Variants in DMD observed in about 807,000 individuals in gnomAD.
DMD encodes the protein dystrophin.
Under a neutral mutation model 330.1 loss-of-function variants are expected in DMD, and 63 were observed. The observed-to-expected ratio is 0.19, with a 90% CI of 0.16 to 0.24. The LOEUF (loss-of-function observed/expected upper bound fraction) is 0.24, where lower values mean the gene tolerates loss of function less well. Among genes scored for constraint, DMD ranks in the 10% least tolerant of loss-of-function variants. The pLI is 1.00. For missense variants in DMD, 3,344 were observed against 2,684.1 expected (o/e 1.25, Z -5.43); for synonymous variants, 1,223 against 959.8 (o/e 1.27, Z -5.07).
chrX:31,677,909 G>A (rs933323366), intron 53 of DMD, among the ~76,000 whole-genome samples: 7 of 112,125 alleles, frequency 6.2e-5, no homozygotes, highest in African/African-American at 2.3e-4. Context: ...GGATGTGGTG[G>A]AAGTGATATA....
Position 31,482,242 on chromosome X carries a change from G to C in DMD, c.8548-3139C>G, listed in dbSNP as rs940790138. On this transcript the variant is annotated intron_variant, in intron 57 of 78. Transcript: ENST00000357033. ...TGGTGTGTGTGTGTGTGTGTGGGGGGGGTGTTCTGTGCATGGGGGACAGAG... is the reference window on the plus strand; with the variant it reads ...TGGTGTGTGTGTGTGTGTGTGGGGGCGGTGTTCTGTGCATGGGGGACAGAG... 3.4e-4 allele frequency among the ~76,000 whole-genome samples: 35 copies of C among 102,803 alleles called. 1 individual carries two copies. Among genetic ancestry groups the C allele is most frequent in the African/African-American group, 1.3e-3 (34 of 27,138 alleles). The allele number at this position is 102,803 out of a possible 115,157, so 89.3% of individuals were successfully genotyped here.
intron 62 of DMD, among the ~76,000 whole-genome samples, chrX:31,298,914 T>C (rs949652942): frequency 8.9e-6 from 1 of 112,269 alleles, no homozygotes; most frequent in African/African-American, 3.2e-5. Flanking sequence ...ACAAGGAACA[T>C]AAATATCTTC....
intron 1 of DMD, among the ~76,000 whole-genome samples, chrX:33,147,534 G>C (rs1031655593): frequency 8.9e-6 from 1 of 111,859 alleles, no homozygotes; most frequent in Non-Finnish European, 1.9e-5. Flanking sequence ...ATTAATTTAA[G>C]CATTTTTTGT....
Position 33,248,174 on chromosome X carries a change from T to C in DMD, c.7+91085A>G, listed in dbSNP as rs1270963165. Among the ~76,000 whole-genome samples the C allele has an allele frequency of 1.1e-4, 12 of 110,636 alleles. No individual in the cohort carries two copies. In the Admixed American group the frequency reaches 1.2e-3, roughly 11 times the overall value. On this transcript the variant is annotated intron_variant, in intron 1 of 17. Coordinates refer to the DMD transcript ENST00000288447. ...CTCCTGCCTCAGCCTCCCCAGTAGC[T>C]GCGACTACAGGCACCCGCCACCACG...
chrX:33,322,120 C>T (rs2054024510), intron 1 of DMD, among the ~76,000 whole-genome samples: 1 of 111,567 alleles, frequency 9.0e-6, no homozygotes, highest in Admixed American at 9.6e-5. Flanking sequence ...GGGGGTAACA[C>T]TTTTAATTTC....
chrX:33,257,433 A>C (rs1255151158), intron 1 of DMD, among the ~76,000 whole-genome samples: 2 of 110,901 alleles, frequency 1.8e-5, no homozygotes, highest in African/African-American at 6.5e-5. Flanking sequence ...TTTGTTAATA[A>C]GGAGAGTAAA....
chrX:31,868,562 G>A (rs1265461448), intron 48 of DMD, among the ~76,000 whole-genome samples: 1 of 111,921 alleles, frequency 8.9e-6, no homozygotes, highest in Non-Finnish European at 1.9e-5. Context: ...CATAGAGTCA[G>A]ATGTGACCAG....
chrX:31,771,558 A>T (rs2149232884), intron 51 of DMD, among the ~76,000 whole-genome samples: 1 of 108,892 alleles, frequency 9.2e-6, no homozygotes, highest in Admixed American at 9.8e-5. Flanking sequence ...TCTGGAGTGC[A>T]ATGGTGTGAT....
intron 49 of DMD, among the ~76,000 whole-genome samples, chrX:31,828,339 C>A (rs1385010804): frequency 9.0e-6 from 1 of 111,357 alleles, no homozygotes; most frequent in East Asian, 2.8e-4. Flanking sequence ...AAACACACAA[C>A]CCTCCTAGTT....
intron 7 of DMD, among the ~76,000 whole-genome samples, chrX:32,767,317 CCTTTATATTTT>C (rs1006171494): frequency 6.3e-5 from 7 of 110,845 alleles, no homozygotes; most frequent in African/African-American, 2.3e-4. Context: ...TATGCTATTT[CCTTTATATTTT>C]CTTTAGTCCA....
intron 7 of DMD, among the ~76,000 whole-genome samples, chrX:32,791,108 C>G (rs2148629905): frequency 9.0e-6 from 1 of 111,696 alleles, no homozygotes; most frequent in East Asian, 2.8e-4. Flanking sequence ...CCACTACCAC[C>G]AAAGCTGGCG....
At chrX:33,167,400 A>T (rs2049109614) in intron 1 of DMD, among the ~76,000 whole-genome samples, 1 of 111,263 alleles carries the variant, frequency 9.0e-6, no homozygotes, top group African/African-American at 3.2e-5. Context: ...CATATTCTTC[A>T]ATTCGACTAG....
chrX:31,844,169 T>G (rs892360480), intron 48 of DMD, among the ~76,000 whole-genome samples: 2 of 112,010 alleles, frequency 1.8e-5, no homozygotes, highest in Non-Finnish European at 3.8e-5. Flanking sequence ...GAGATTTTAT[T>G]TTTTTAAATC....
chrX:32,478,507 C>T (rs1220197251), intron 21 of DMD, among the ~76,000 whole-genome samples: 1 of 111,636 alleles, frequency 9.0e-6, no homozygotes, highest in Non-Finnish European at 1.9e-5. Context: ...AGAAATACAA[C>T]AGGACCCATG....
chrX:31,872,413 G>A (rs2093905989), intron 48 of DMD, among the ~76,000 whole-genome samples: 1 of 111,503 alleles, frequency 9.0e-6, no homozygotes, highest in Admixed American at 9.5e-5. Context: ...ATAGACAATC[G>A]AAGACACAAT....
chrX:32,703,771 G>A (rs2064347384), intron 7 of DMD, among the ~76,000 whole-genome samples: 2 of 111,369 alleles, frequency 1.8e-5, no homozygotes, highest in African/African-American at 6.5e-5. Flanking sequence ...GTGACTAAAG[G>A]CAATGGTATG....
chrX:31,999,892 C>A (rs1389971563), intron 44 of DMD, among the ~76,000 whole-genome samples: 1 of 111,883 alleles, frequency 8.9e-6, no homozygotes, highest in African/African-American at 3.2e-5. Flanking sequence ...CACTCAGAAC[C>A]AAGTTACTTT....
chrX:31,898,366 C>T (rs1345090129), intron 47 of DMD, among the ~76,000 whole-genome samples: 4 of 109,962 alleles, frequency 3.6e-5, no homozygotes, highest in Non-Finnish European at 7.6e-5. Flanking sequence ...TGACTTCAAA[C>T]TATACTACAA....
chrX:33,265,014 A>G (rs1437128098), intron 1 of DMD, among the ~76,000 whole-genome samples: 2 of 111,389 alleles, frequency 1.8e-5, no homozygotes, highest in Non-Finnish European at 3.8e-5. Context: ...AATTATGCAG[A>G]AAGGAGAAAA....
Sources: gnomAD v4.1 joint callset for allele counts (sites outside exome capture counted in the v4.1 genomes callset) on GRCh38, gnomAD v4.1.1 for gene constraint, MANE v1.5 for transcripts, NCBI Gene and HGNC (gene_info 2026-07-23, HGNC 2026-07-21) for gene names.